Variants in NEK4 observed in about 807,000 individuals in gnomAD.
NEK4 encodes the protein NIMA related kinase 4.
In NEK4, 86 loss-of-function variants were observed where a neutral mutation model predicts 98.4. The ratio of observed to expected loss-of-function variants is 0.87; its 90% CI spans 0.73 to 1.05. NEK4 has a LOEUF of 1.05. Ranked by LOEUF, NEK4 falls within the 50% of genes least tolerant of loss-of-function variation. NEK4 has a pLI of 0.00. For synonymous variants in NEK4, 328 were observed against 342.2 expected, an observed-to-expected ratio of 0.96 and a Z score of 0.46; for missense variants, 898 against 950.3, an observed-to-expected ratio of 0.94 and a Z score of 0.72.
intron 8 of NEK4, among the ~76,000 whole-genome samples, chr3:52,749,056 C>T (rs1055788478): frequency 6.6e-6 from 1 of 152,094 alleles, no homozygotes; most frequent in East Asian, 1.9e-4. Flanking sequence ...CACTGCACTC[C>T]AGCCTTAGCA....
intron 15 of NEK4, among the ~76,000 whole-genome samples, chr3:52,715,110 G>A (rs988674835): frequency 1.3e-5 from 2 of 152,248 alleles, no homozygotes; most frequent in Admixed American, 6.5e-5. Flanking sequence ...AGGGAGCAAA[G>A]GCCGGGTACC....
At chr3:52,746,007 T>C (rs2097395414) in intron 10 of NEK4, 54 bp downstream of exon 10, 7 of 1,540,724 alleles carry the variant, frequency 4.5e-6, no homozygotes, top group Non-Finnish European at 1.8e-6. Flanking sequence ...ACATGCATGA[T>C]ACACCACGTC....
intron 13 of NEK4, among the ~76,000 whole-genome samples, chr3:52,739,841 C>T (rs1186728393): frequency 6.6e-6 from 1 of 152,104 alleles, no homozygotes; most frequent in African/African-American, 2.4e-5. Context: ...GCAGAATAAA[C>T]AAAATCTGCA....
At chr3:52,716,059 G>A (rs1374825456) in intron 15 of NEK4, among the ~76,000 whole-genome samples, 3 of 152,170 alleles carry the variant, frequency 2.0e-5, no homozygotes, top group Non-Finnish European at 4.4e-5. Flanking sequence ...TACCCATGCC[G>A]GCACCTGGAG....
chr3:52,754,889 T>G (rs898442852), intron 6 of NEK4, among the ~76,000 whole-genome samples: 1 of 151,874 alleles, frequency 6.6e-6, no homozygotes, highest in Non-Finnish European at 1.5e-5. Context: ...CTGGCTAACA[T>G]GGTGAAACCC....
Position 52,714,938 on chromosome 3 carries a change from A to C in NEK4, c.2434-3069T>G, listed in dbSNP as rs543843093. ...CCCCTCCGGACTTTGGGCTCTAACA[A>C]GCGCAGGATGGGGAAAGTAAGCTGA... On this transcript the variant is annotated intron_variant, in intron 15 of 15. Coordinates refer to ENST00000233027, the MANE Select transcript of NEK4 (RefSeq NM_003157.6). 2.0e-5 allele frequency among the ~76,000 whole-genome samples: 3 copies of C among 152,284 alleles called. No individual in the cohort carries two copies. The South Asian group carries it at 6.2e-4, about 32-fold the overall frequency.
chr3:52,770,016 G>A (rs551303120), intron 1 of NEK4, among the ~76,000 whole-genome samples: 1 of 152,158 alleles, frequency 6.6e-6, no homozygotes, highest in East Asian at 1.9e-4. Flanking sequence ...GATTGGGGTG[G>A]TAGCAGTAGA....
At chr3:52,733,398 G>A (rs764506372) in intron 15 of NEK4, 8 of 388,360 alleles carry the variant, frequency 2.1e-5, no homozygotes, top group Non-Finnish European at 3.5e-5. Context: ...TTTAAAGAGT[G>A]TTCAGGACTT....
At chr3:52,742,858 C>A (rs1353236005) in intron 12 of NEK4, among the ~76,000 whole-genome samples, 1 of 152,194 alleles carries the variant, frequency 6.6e-6, no homozygotes, top group Non-Finnish European at 1.5e-5. Flanking sequence ...GGTGTGAACA[C>A]AACTCACTGT....
At chr3:52,764,627 T>C (rs1303101370) in intron 4 of NEK4, among the ~76,000 whole-genome samples, 1 of 150,402 alleles carries the variant, frequency 6.6e-6, no homozygotes, top group East Asian at 1.9e-4. Context: ...TGAGACTCTG[T>C]CTCAAAAAAA....
At chr3:52,745,278 T>C (rs573099857) in intron 10 of NEK4, among the ~76,000 whole-genome samples, 1 of 151,962 alleles carries the variant, frequency 6.6e-6, no homozygotes, top group African/African-American at 2.4e-5. Context: ...ATCTGTCCAT[T>C]TCAATCAAAG....
intron 13 of NEK4, 101 bp downstream of exon 13, chr3:52,741,310 C>A: frequency 5.3e-6 from 3 of 561,474 alleles, no homozygotes; most frequent in East Asian, 3.5e-5. Flanking sequence ...ATAATTTTAT[C>A]AGTGGGAATA....
In NEK4 at chr3:52,770,930, G is replaced by A; in HGVS notation, c.-184C>T. On this transcript the variant is annotated 5_prime_UTR_variant, in exon 1 of 16. Coordinates refer to ENST00000233027, the MANE Select transcript of NEK4 (RefSeq NM_003157.6). The stretch of plus-strand genomic sequence containing the variant: ...GCCGCTGCCATAGCGATCCGGGCCG[G>A]GAGCAGTTCTGCGCATGCTCCTGCG... The A allele has an allele frequency of 6.6e-6, 4 of 606,626 alleles. No homozygotes were observed. Among genetic ancestry groups the A allele is most frequent in the Non-Finnish European group, 1.2e-5 (4 of 344,520 alleles). The allele number at this position is 606,626 out of a possible 1,614,324, so 37.6% of individuals were successfully genotyped here. A position where few individuals can be genotyped will look rare whatever the true frequency, so the allele number is the denominator to read the frequency against.
At chr3:52,751,144 G>A (rs1418905980) in intron 7 of NEK4, among the ~76,000 whole-genome samples, 7 of 152,030 alleles carry the variant, frequency 4.6e-5, no homozygotes, top group Middle Eastern at 6.8e-3. Context: ...AACCCCGTCT[G>A]TACTAAAAAC....
At chr3:52,734,180 C>A (rs943991627) in intron 15 of NEK4, among the ~76,000 whole-genome samples, 1 of 152,036 alleles carries the variant, frequency 6.6e-6, no homozygotes, top group African/African-American at 2.4e-5. Context: ...GGCGCGGTGG[C>A]TCATGCCTGT....
chr3:52,727,354 C>T (rs970437340), intron 15 of NEK4, among the ~76,000 whole-genome samples: 4 of 152,156 alleles, frequency 2.6e-5, no homozygotes, highest in Non-Finnish European at 5.9e-5. Context: ...ACAGACCATA[C>T]TATAGACCAC....
intron 15 of NEK4, among the ~76,000 whole-genome samples, chr3:52,719,849 G>A (rs2097358536): frequency 1.3e-5 from 2 of 151,990 alleles, no homozygotes; most frequent in Admixed American, 1.3e-4. Flanking sequence ...AGCAAGCTTG[G>A]GGACAGACCA....
At position 52,737,721 on chromosome 3, in the gene NEK4, T is replaced by C. The variant is rs771381072; in HGVS notation, c.2300-2A>G. Reference sequence around the variant, plus strand: ...TCTTTTCAGAACCTGGCATAATAGCTAAAAGGCAACAACAAAGACAAAGGG... The same window carrying C: ...TCTTTTCAGAACCTGGCATAATAGCCAAAAGGCAACAACAAAGACAAAGGG... On this transcript the variant is annotated splice_acceptor_variant, in intron 14 of 15. Transcript: ENST00000233027. LOFTEE classifies it high-confidence loss of function. The C allele has an allele frequency of 1.2e-6, 2 of 1,603,196 alleles. No individual in the cohort carries two copies. The highest frequency in any genetic ancestry group is 2.2e-5 in the South Asian group (2 of 89,052).
In NEK4 at chr3:52,766,223, G is replaced by T; in HGVS notation, c.513C>A (p.Tyr171Ter). Residue 171 changes from tyrosine (Y) to a stop codon, truncating the protein, a stop_gained, in exon 3 of 16, where the codon TAC becomes TAA. Coordinates refer to ENST00000233027, the MANE Select transcript of NEK4 (RefSeq NM_003157.6). LOFTEE classifies it high-confidence loss of function. ...TTGAGAACAATTCAGGGCTCATGTA[G>T]TAGGGTGTGCCAATGAGGGTGCTAG... ...DMASTLIGTP[Y>*]YMSPELFSNK... 6.2e-7 allele frequency: 1 copy of T among 1,614,194 alleles called. No individual in the cohort carries two copies. The highest frequency in any genetic ancestry group is 8.5e-7 in the Non-Finnish European group (1 of 1,180,026).
Sources: allele counts gnomAD v4.1 joint callset (sites outside exome capture counted in the v4.1 genomes callset), GRCh38; gene constraint gnomAD v4.1.1; transcripts MANE v1.5; gene names NCBI Gene and HGNC (gene_info 2026-07-23, HGNC 2026-07-21).